The following GATA6 variants were observed in gnomAD, a reference collection of about 807,000 sequenced individuals.
GATA6 encodes the protein GATA binding protein 6.
Under a neutral mutation model 48.1 loss-of-function variants are expected in GATA6, and 11 were observed. The observed-to-expected ratio is 0.23, with a 90% CI of 0.14 to 0.38. The LOEUF is 0.38. Among genes scored for constraint, GATA6 ranks in the 10% least tolerant of loss-of-function variants. The pLI, the probability that GATA6 is intolerant of heterozygous loss-of-function variation, is 1.00. For missense variants in GATA6, 795 were observed against 850.3 expected (o/e 0.93, Z 0.81); for synonymous variants, 419 against 396.1 (o/e 1.06, Z -0.69).
At position 22,182,962 on chromosome 18, in the gene GATA6, C is replaced by T; in HGVS notation, c.1539C>T (p.Pro513=). Reference sequence around the variant, plus strand: ...CAGGTAATAGCAATAATTCCATTCCCATGACTCCAACTTCCACCTCTTCTA... The same window carrying T: ...CAGGTAATAGCAATAATTCCATTCCTATGACTCCAACTTCCACCTCTTCTA... The part of the protein sequence containing the change: ...TCSGNSNNSI[P]MTPTSTSSNS... The change falls in exon 6 of 7, where the codon CCC becomes CCT. Residue 513 remains proline (P), a synonymous_variant. Coordinates refer to ENST00000269216, the MANE Select transcript of GATA6 (RefSeq NM_005257.6). 3 of 1,613,990 alleles carry T rather than the reference C, an allele frequency of 1.9e-6. No individual in the cohort carries two copies. The highest frequency in any genetic ancestry group is 1.3e-5 in the African/African-American group (1 of 75,042).
chr18:22,183,095 A>T (rs1184726039), intron 6 of GATA6, 52 bp downstream of exon 6: 3 of 1,352,132 alleles, frequency 2.2e-6, no homozygotes, highest in Middle Eastern at 3.6e-4. Context: ...CTCTCTAGTA[A>T]ATTATCTCAA....
At chr18:22,182,117 A>G (rs539701827) in intron 4 of GATA6, among the ~76,000 whole-genome samples, 2 of 152,356 alleles carry the variant, frequency 1.3e-5, no homozygotes, top group South Asian at 4.1e-4. Context: ...AAAGAAAAAT[A>G]ACCTTGCATC....
In GATA6 at chr18:22,171,357, C is replaced by T; in HGVS notation, c.213C>T (p.Ala71=). ...GTPQLDTEAA[A]GPPARSLLLS... is the part of the protein sequence containing the mutation. ...CTCAGCTCGACACGGAGGCGGCGGCCGGACCCCCGGCCCGCTCGCTGCTGC... is the reference window on the plus strand; with the variant it reads ...CTCAGCTCGACACGGAGGCGGCGGCTGGACCCCCGGCCCGCTCGCTGCTGC... Residue 71 remains alanine (A), a synonymous_variant, in exon 2 of 7, where the codon GCC becomes GCT. Coordinates refer to ENST00000269216, the MANE Select transcript of GATA6 (RefSeq NM_005257.6). The surrounding 1 kb of genome is among the most constrained non-coding windows in gnomAD (Gnocchi z 7.1). 1 of 1,584,256 alleles carries T rather than the reference C, an allele frequency of 6.3e-7. No homozygotes were observed. The highest frequency in any genetic ancestry group is 8.5e-7 in the Non-Finnish European group (1 of 1,172,528).
intron 6 of GATA6, among the ~76,000 whole-genome samples, chr18:22,197,429 G>C (rs11662020): frequency 0.093 from 14,108 of 152,158 alleles, 721 homozygotes; most frequent in Non-Finnish European, 0.12. Flanking sequence ...GGAAACTGAG[G>C]CACACAAAGC....
chr18:22,170,844 G>A lies in GATA6; in HGVS notation c.-37-264G>A. The stretch of plus-strand genomic sequence containing the variant: ...CGAGGGGGTGGGCGGGGAGGACGCG[G>A]GGACCGGAGCGGTGCCTTTGAGGGA... On this transcript the variant is annotated intron_variant, in intron 1 of 6. Transcript: ENST00000269216. The surrounding 1 kb of genome is among the most constrained non-coding windows in gnomAD (Gnocchi z 6.7). 2.0e-6 allele frequency: 1 copy of A among 494,836 alleles called. No homozygotes were observed. Among genetic ancestry groups the A allele is most frequent in the East Asian group, 3.6e-5 (1 of 27,964 alleles). 30.7% of individuals were successfully genotyped at this position (494,836 alleles called of 1,614,324 possible). A position where few individuals can be genotyped will look rare whatever the true frequency, so the allele number is the denominator to read the frequency against.
At chr18:22,174,188 G>A (rs2033093065) in intron 2 of GATA6, among the ~76,000 whole-genome samples, 1 of 152,182 alleles carries the variant, frequency 6.6e-6, no homozygotes, top group Non-Finnish European at 1.5e-5. Context: ...AGTTCCGTAG[G>A]GAATGTGCAA....
At chr18:22,175,607 T>C (rs2033111863) in intron 2 of GATA6, 1 of 152,202 alleles carries the variant, frequency 6.6e-6, no homozygotes, top group African/African-American at 2.4e-5. Context: ...TGAACTCGGG[T>C]TGTGTAGGAT....
chr18:22,179,257 A>G (rs2033165314), intron 3 of GATA6, among the ~76,000 whole-genome samples: 1 of 152,234 alleles, frequency 6.6e-6, no homozygotes, highest in Admixed American at 6.5e-5. Context: ...GATCTGGCTT[A>G]GTTCTCAGAA....
intron 2 of GATA6, chr18:22,175,562 ATGTGT>A (rs2143286646): frequency 6.6e-6 from 1 of 152,344 alleles, no homozygotes; most frequent in African/African-American, 2.4e-5. Context: ...AACCTTTGTG[ATGTGT>A]TGTAAGTTGC....
In GATA6 at chr18:22,185,538, C is replaced by T. The variant is rs1161082541; in HGVS notation, c.1620+2495C>T. 6.6e-6 allele frequency among the ~76,000 whole-genome samples: 1 copy of T among 152,234 alleles called. No individual in the cohort carries two copies. The highest frequency in any genetic ancestry group is 2.4e-5 in the African/African-American group (1 of 41,458). On this transcript the variant is annotated intron_variant, in intron 6 of 6. Transcript: ENST00000269216. This position sits in a 1 kb window ranked among gnomAD's most constrained non-coding sequence, Gnocchi z 4.3. ...CAGGGCAGGGGGTAGGGTTGCTGGC[C>T]TGCCTACCAACCTCCCCAGTTCCCC...
At position 22,177,001 on chromosome 18, in the gene GATA6, C is replaced by T; in HGVS notation, c.1182C>T (p.Gly394=). Residue 394 remains glycine, a synonymous_variant, in exon 3 of 7, where the codon GGC becomes GGT. Transcript: ENST00000269216. ...AGAGCCGCGAGTGCGTGAACTGCGG[C>T]TCCATCCAGACGCCGCTGTGGCGGC... is the stretch of plus-strand genomic sequence containing the variant. ...LSESRECVNC[G]SIQTPLWRRD... 6.3e-7 allele frequency: 1 copy of T among 1,575,338 alleles called. No individual in the cohort carries two copies. The highest frequency in any genetic ancestry group is 8.6e-7 in the Non-Finnish European group (1 of 1,162,488).
At chr18:22,199,903 A>G (rs1358052663) in intron 6 of GATA6, among the ~76,000 whole-genome samples, 4 of 144,068 alleles carry the variant, frequency 2.8e-5, no homozygotes, top group Non-Finnish European at 6.0e-5. Flanking sequence ...TCTGTTTCAA[A>G]AAAAAAAAAA....
At chr18:22,176,865 C>CG (rs763290120) in intron 2 of GATA6, 90 bp from the exon 3 acceptor site, 1 of 1,426,880 alleles carries the variant, frequency 7.0e-7, no homozygotes. Flanking sequence ...AGCCGGGCAC[C>CG]GGGGCTGGGG....
At chr18:22,196,802 C>A (rs1294486361) in intron 6 of GATA6, among the ~76,000 whole-genome samples, 2 of 151,940 alleles carry the variant, frequency 1.3e-5, no homozygotes, top group Non-Finnish European at 2.9e-5. Flanking sequence ...GGCTACAGAA[C>A]ACTTTGATTT....
intron 3 of GATA6, among the ~76,000 whole-genome samples, chr18:22,179,014 T>G (rs2033161356): frequency 6.6e-6 from 1 of 152,158 alleles, no homozygotes; most frequent in Non-Finnish European, 1.5e-5. Context: ...TCTAGTAACA[T>G]TTAGATAGTG....
chr18:22,178,533 T>C (rs1442025815), intron 3 of GATA6, among the ~76,000 whole-genome samples: 1 of 152,242 alleles, frequency 6.6e-6, no homozygotes, highest in African/African-American at 2.4e-5. Flanking sequence ...CAGGAACAAA[T>C]GCTACACATG....
intron 6 of GATA6, among the ~76,000 whole-genome samples, chr18:22,186,748 T>C (rs2143312549): frequency 6.6e-6 from 1 of 152,368 alleles, no homozygotes; most frequent in South Asian, 2.1e-4. Context: ...GGATAAGTTG[T>C]CCTAATGCCA....
In GATA6 at chr18:22,171,320, A is replaced by G. The variant is rs1313088778; in HGVS notation, c.176A>G (p.Asn59Ser). Residue 59 changes from asparagine (N) to serine (S), a missense_variant, in exon 2 of 7, where the codon AAC (asparagine) becomes AGC (serine). Around this residue, in one of 5 missense-constraint regions of GATA6, gnomAD observed 591 missense variants for 570.0 expected, o/e 1.04. Coordinates refer to ENST00000269216, the MANE Select transcript of GATA6 (RefSeq NM_005257.6). This position sits in a 1 kb window ranked among gnomAD's most constrained non-coding sequence, Gnocchi z 7.1. ...GGERGPGGAS[N>S]CGTPQLDTEA... Reference sequence around the variant, plus strand: ...GAGCGGGGCCCCGGCGGCGCCAGCAACTGCGGGACGCCTCAGCTCGACACG... The same window carrying G: ...GAGCGGGGCCCCGGCGGCGCCAGCAGCTGCGGGACGCCTCAGCTCGACACG... 5 of 1,588,196 alleles carry G rather than the reference A, an allele frequency of 3.1e-6. No homozygotes were observed. Among genetic ancestry groups the G allele is most frequent in the African/African-American group, 2.7e-5 (2 of 74,380 alleles).
chr18:22,197,270 C>T (rs1440332510), intron 6 of GATA6, among the ~76,000 whole-genome samples: 1 of 150,896 alleles, frequency 6.6e-6, no homozygotes, highest in African/African-American at 2.5e-5. Flanking sequence ...AGGCTGGTCT[C>T]AAACTCCTGA....
Sources: allele counts gnomAD v4.1 joint callset (sites outside exome capture counted in the v4.1 genomes callset), GRCh38; gene constraint gnomAD v4.1.1; regional missense constraint gnomAD v4.1.1; non-coding constraint Gnocchi (gnomAD v3.1); transcripts MANE v1.5; gene names NCBI Gene and HGNC (gene_info 2026-07-23, HGNC 2026-07-21).